The following BIRC6 variants were observed in gnomAD, a reference collection of about 807,000 sequenced individuals.
The protein encoded by BIRC6 is baculoviral IAP repeat containing 6, also known as dual E2 ubiquitin-conjugating enzyme/E3 ubiquitin-protein ligase BIRC6.
BIRC6 carries 98 observed loss-of-function variants against 503.3 expected under a neutral mutation model. The ratio of observed to expected loss-of-function variants is 0.19; its 90% CI spans 0.17 to 0.23. BIRC6 has a LOEUF of 0.23. Among genes scored for constraint, BIRC6 ranks in the 10% least tolerant of loss-of-function variants. The probability of loss-of-function intolerance (pLI) is 1.00; values close to 1 mark genes in which losing one functional copy is unlikely to be tolerated. For missense variants in BIRC6, 5,360 were observed against 5,806.0 expected, an observed-to-expected ratio of 0.92 and a Z score of 2.50; for synonymous variants, 2,240 against 2,078.7, an observed-to-expected ratio of 1.08 and a Z score of -2.11.
In BIRC6 at chr2:32,442,235, T is replaced by A. The variant is rs758638182; in HGVS notation, c.4106+9T>A. On this transcript the variant is annotated intron_variant, in intron 18 of 73. Transcript: ENST00000421745. The stretch of plus-strand genomic sequence containing the variant: ...TCAAATGGACCCGGAAGGTTAATAA[T>A]TAAAATTTTGCTTACCACTGTTGAT... 1 of 1,602,074 alleles carries A rather than the reference T, an allele frequency of 6.2e-7. No homozygotes were observed. The highest frequency in any genetic ancestry group is 1.1e-5 in the South Asian group (1 of 89,258).
At chr2:32,462,270 T>C (rs2148844793) in intron 23 of BIRC6, among the ~76,000 whole-genome samples, 1 of 152,388 alleles carries the variant, frequency 6.6e-6, no homozygotes, top group East Asian at 1.9e-4. Flanking sequence ...TTTTGTTTTG[T>C]GCTGACATAT....
chr2:32,410,255 C>T (rs931747260), intron 9 of BIRC6, among the ~76,000 whole-genome samples: 1 of 152,040 alleles, frequency 6.6e-6, no homozygotes, highest in African/African-American at 2.4e-5. Context: ...CTCAGTTGAT[C>T]GCGCCACTGC....
intron 59 of BIRC6, 67 bp downstream of exon 59, chr2:32,525,695 C>A: frequency 6.8e-7 from 1 of 1,462,940 alleles, no homozygotes. Context: ...AAATCAGAGG[C>A]ACAGTCACCA....
intron 42 of BIRC6, among the ~76,000 whole-genome samples, chr2:32,489,214 T>C (rs557696988): frequency 6.6e-6 from 1 of 152,156 alleles, no homozygotes; most frequent in South Asian, 2.1e-4. Flanking sequence ...CAGGAATCTA[T>C]TTTAGTTATA....
rs151112006 is a variant in BIRC6 at position 32,435,873 on chromosome 2, G to A, written c.3500-180G>A. ...GTGAACTGTAAAATAATATGGGAATGGAAAGCAACATAACAAATAATTGAT... is the reference window on the plus strand; with the variant it reads ...GTGAACTGTAAAATAATATGGGAATAGAAAGCAACATAACAAATAATTGAT... On this transcript the variant is annotated intron_variant, in intron 14 of 73. Transcript: ENST00000421745. Among the ~76,000 whole-genome samples, 110 of 152,220 alleles carry A rather than the reference G, an allele frequency of 7.2e-4. 1 individual carries two copies. Among genetic ancestry groups the A allele is most frequent in the African/African-American group, 2.6e-3 (109 of 41,526 alleles).
At chr2:32,524,253 A>G (rs764218700) in intron 57 of BIRC6, among the ~76,000 whole-genome samples, 2 of 152,206 alleles carry the variant, frequency 1.3e-5, no homozygotes, top group Non-Finnish European at 2.9e-5. Context: ...AGAGCCCTTA[A>G]TACTCATTTT....
chr2:32,370,671 ATTAAT>A (rs1341069490), intron 1 of BIRC6, among the ~76,000 whole-genome samples: 2 of 152,148 alleles, frequency 1.3e-5, no homozygotes, highest in African/African-American at 4.8e-5. Context: ...AGAACCTTAC[ATTAAT>A]TTTGTACCTT....
chr2:32,496,637 C>G (rs2052508746), intron 45 of BIRC6, among the ~76,000 whole-genome samples: 1 of 152,274 alleles, frequency 6.6e-6, no homozygotes, highest in Admixed American at 6.5e-5. Context: ...AGTGTAGGCT[C>G]TCCACCTTTG....
chr2:32,477,871 T>G (rs1479855867), intron 35 of BIRC6, among the ~76,000 whole-genome samples: 2 of 152,202 alleles, frequency 1.3e-5, no homozygotes, highest in Non-Finnish European at 2.9e-5. Context: ...TATTGTGTCT[T>G]AAAAGATGAA....
intron 11 of BIRC6, 83 bp from the exon 12 acceptor site, chr2:32,430,782 T>G: frequency 9.1e-7 from 1 of 1,101,558 alleles, no homozygotes; most frequent in Non-Finnish European, 1.3e-6. Flanking sequence ...TACCCATGAA[T>G]TAAAACTTCA....
chr2:32,448,589 G>A (rs28452061), intron 21 of BIRC6, among the ~76,000 whole-genome samples: 1 of 152,076 alleles, frequency 6.6e-6, no homozygotes, highest in Admixed American at 6.5e-5. Flanking sequence ...GCAGTGAGCC[G>A]AGATCGCAGC....
chr2:32,499,460 A>C, intron 45 of BIRC6, 87 bp from the exon 46 acceptor site: 2 of 1,205,416 alleles, frequency 1.7e-6, no homozygotes, highest in Non-Finnish European at 2.3e-6. Context: ...TTTCAGAACT[A>C]CTTAAAATCG....
intron 23 of BIRC6, among the ~76,000 whole-genome samples, chr2:32,457,886 A>G (rs1299613324): frequency 6.6e-6 from 1 of 152,062 alleles, no homozygotes; most frequent in Non-Finnish European, 1.5e-5. Context: ...ATTTTTTCAC[A>G]TTTGTCTATT....
At chr2:32,611,790 G>A (rs539499139) in intron 73 of BIRC6, among the ~76,000 whole-genome samples, 1 of 152,302 alleles carries the variant, frequency 6.6e-6, no homozygotes, top group South Asian at 2.1e-4. Flanking sequence ...AAAATAAAAA[G>A]TGGGTCCAAG....
In BIRC6 at chr2:32,595,133, A is replaced by G. The variant is rs1467399096; in HGVS notation, c.13601A>G (p.Lys4534Arg). The G allele has an allele frequency of 1.3e-6, 2 of 1,583,090 alleles. No individual in the cohort carries two copies. Among genetic ancestry groups the G allele is most frequent in the South Asian group, 2.4e-5 (2 of 84,936 alleles). ...LEEKYVAVMKKLQFDTFEMVS... is the reference protein window; with the variant it reads ...LEEKYVAVMKRLQFDTFEMVS... The stretch of plus-strand genomic sequence containing the variant: ...GAAAAATATGTGGCTGTTATGAAGA[A>G]ATTACAGTTTGGTAAGATGAAATTT... Residue 4534 changes from lysine (K) to arginine (R), a missense_variant, in exon 68 of 74, where the codon AAA (lysine) becomes AGA (arginine). Coordinates refer to ENST00000421745, the MANE Select transcript of BIRC6 (RefSeq NM_016252.4).
At chr2:32,434,581 C>T (rs1459361138) in intron 13 of BIRC6, among the ~76,000 whole-genome samples, 1 of 152,146 alleles carries the variant, frequency 6.6e-6, no homozygotes, top group Non-Finnish European at 1.5e-5. Context: ...CATGTGGTGG[C>T]TCATGCCTAT....
intron 65 of BIRC6, among the ~76,000 whole-genome samples, chr2:32,562,461 T>A (rs1183905899): frequency 6.6e-6 from 1 of 152,226 alleles, no homozygotes; most frequent in Admixed American, 6.5e-5. Flanking sequence ...TTTAACTAAA[T>A]TTATAGTTGA....
At position 32,470,181 on chromosome 2, in the gene BIRC6, C is replaced by G. The variant is rs781051611; in HGVS notation, c.6361C>G (p.Leu2121Val). 3.2e-6 allele frequency: 5 copies of G among 1,544,438 alleles called. No homozygotes were observed. The highest frequency in any genetic ancestry group is 4.4e-6 in the Non-Finnish European group (5 of 1,147,406). ...IFPQDRVFML[L>V]SCIGQRSLSN... ...TTTTGTTTTTAGGGTCTTCATGTTA[C>G]TTTCCTGCATTGGTCAAAGATCACT... Residue 2121 changes from leucine (L) to valine (V), a missense_variant, in exon 31 of 74, where the codon CTT becomes GTT. Around this residue, in one of 16 missense-constraint regions of BIRC6, gnomAD observed 2,299 missense variants for 2,267.2 expected, o/e 1.01. Coordinates refer to ENST00000421745, the MANE Select transcript of BIRC6 (RefSeq NM_016252.4).
chr2:32,482,302 T>G, intron 38 of BIRC6, 127 bp from the exon 39 acceptor site: 2 of 925,606 alleles, frequency 2.2e-6, no homozygotes, highest in Non-Finnish European at 3.2e-6. Flanking sequence ...TATAAGGGGA[T>G]TTGGGAAATT....
Sources: gnomAD v4.1 joint callset for allele counts (sites outside exome capture counted in the v4.1 genomes callset) on GRCh38, gnomAD v4.1.1 for gene constraint, gnomAD v4.1.1 regional missense constraint, MANE v1.5 for transcripts, NCBI Gene and HGNC (gene_info 2026-07-23, HGNC 2026-07-21) for gene names.